PDZRN3: variants seen among roughly 807,000 people sequenced by gnomAD.
PDZRN3 encodes PDZ domain containing ring finger 3.
A neutral mutation model predicts 85.7 loss-of-function variants in PDZRN3; 38 were observed. The observed-to-expected ratio is 0.44, with a 90% CI of 0.34 to 0.58. The LOEUF (loss-of-function observed/expected upper bound fraction) is 0.58. Among genes scored for constraint, PDZRN3 ranks in the 20% least tolerant of loss-of-function variants. The pLI is 0.01. For missense variants in PDZRN3, 1,629 were observed against 1,506.4 expected, an observed-to-expected ratio of 1.08 and a Z score of -1.35; for synonymous variants, 759 against 638.0, an observed-to-expected ratio of 1.19 and a Z score of -2.86.
chr3:73,460,352 C>T (rs1188165362), intron 3 of PDZRN3, among the ~76,000 whole-genome samples: 1 of 152,194 alleles, frequency 6.6e-6, no homozygotes, highest in Non-Finnish European at 1.5e-5. Flanking sequence ...TTGTGTCTTT[C>T]ATGGACATGA....
intron 3 of PDZRN3, among the ~76,000 whole-genome samples, chr3:73,596,147 A>G (rs1343911422): frequency 6.6e-6 from 1 of 152,216 alleles, no homozygotes; most frequent in Non-Finnish European, 1.5e-5. Flanking sequence ...AAAAGCCTGA[A>G]AGAGCTCCAT....
At chr3:73,521,190 C>T (rs921178922) in intron 3 of PDZRN3, among the ~76,000 whole-genome samples, 7 of 152,136 alleles carry the variant, frequency 4.6e-5, no homozygotes, top group Non-Finnish European at 7.3e-5. Context: ...ACTCGTTAAA[C>T]GGGTTGTTGT....
At chr3:73,464,700 T>C (rs1362679632) in intron 3 of PDZRN3, among the ~76,000 whole-genome samples, 1 of 152,140 alleles carries the variant, frequency 6.6e-6, no homozygotes, top group Non-Finnish European at 1.5e-5. Flanking sequence ...AGGTGTCTCT[T>C]TTTAAAAAAA....
chr3:73,607,805 C>G lies in PDZRN3; in HGVS notation c.810+793G>C, dbSNP rs527308666. Among the ~76,000 whole-genome samples, 3 of 152,286 alleles carry G rather than the reference C, an allele frequency of 2.0e-5. No individual in the cohort carries two copies. The South Asian group carries it at 6.2e-4, about 32-fold the overall frequency. On this transcript the variant is annotated intron_variant, in intron 2 of 9. Coordinates refer to ENST00000263666, the MANE Select transcript of PDZRN3 (RefSeq NM_015009.3). The stretch of plus-strand genomic sequence containing the variant: ...ACCACAGGGCCTCAGTCTTTCTGGC[C>G]TCCATTGTATCTCCTGGCCCTTAGC...
chr3:73,406,087 G>A lies in PDZRN3; in HGVS notation c.919-1692C>T, dbSNP rs114720303. Reference sequence around the variant, plus strand: ...TAAGTAATTTATTTACATCACGAGGGAGTTCGGCAGAAAAGAACTCTGGGT... The same window carrying A: ...TAAGTAATTTATTTACATCACGAGGAAGTTCGGCAGAAAAGAACTCTGGGT... On this transcript the variant is annotated intron_variant, in intron 3 of 9. Transcript: ENST00000263666. Among the ~76,000 whole-genome samples the A allele has an allele frequency of 5.6e-3, 843 of 150,348 alleles. 6 individuals are homozygous for A. Among genetic ancestry groups the A allele is most frequent in the Middle Eastern group, 0.01 (3 of 294 alleles).
chr3:73,504,229 G>A (rs141018459), intron 3 of PDZRN3, among the ~76,000 whole-genome samples: 122 of 152,276 alleles, frequency 8.0e-4, no homozygotes, highest in African/African-American at 2.7e-3. Flanking sequence ...AGCATGTGGT[G>A]TAACAAATGA....
intron 3 of PDZRN3, among the ~76,000 whole-genome samples, chr3:73,519,503 G>A (rs1390140878): frequency 6.6e-6 from 1 of 152,166 alleles, no homozygotes; most frequent in Non-Finnish European, 1.5e-5. Context: ...CTTCCACAAG[G>A]AATGTGTTTA....
chr3:73,558,751 G>A (rs4561766), intron 3 of PDZRN3, among the ~76,000 whole-genome samples: 2 of 152,180 alleles, frequency 1.3e-5, no homozygotes, highest in African/African-American at 2.4e-5. Flanking sequence ...GAGGGTAAAC[G>A]AAGAACTGTA....
intron 1 of PDZRN3, among the ~76,000 whole-genome samples, chr3:73,619,653 G>C (rs1009475022): frequency 6.6e-6 from 1 of 152,130 alleles, no homozygotes; most frequent in African/African-American, 2.4e-5. Flanking sequence ...AGGAGCTCAG[G>C]GGCACATGCA....
At chr3:73,431,595 C>T (rs1434973381) in intron 3 of PDZRN3, among the ~76,000 whole-genome samples, 4 of 152,166 alleles carry the variant, frequency 2.6e-5, no homozygotes, top group Non-Finnish European at 4.4e-5. Context: ...CTTTATGCTA[C>T]GGTTCAGGAC....
At chr3:73,532,695 A>T (rs1704686473) in intron 3 of PDZRN3, among the ~76,000 whole-genome samples, 1 of 152,214 alleles carries the variant, frequency 6.6e-6, no homozygotes, top group African/African-American at 2.4e-5. Context: ...TTGCATCTAG[A>T]AACAACCAAG....
chr3:73,448,596 T>G (rs1324480222), intron 3 of PDZRN3, among the ~76,000 whole-genome samples: 2 of 152,280 alleles, frequency 1.3e-5, no homozygotes, highest in Middle Eastern at 3.4e-3. Context: ...TCTTGTTTTT[T>G]TTTCCTGGGG....
intron 3 of PDZRN3, among the ~76,000 whole-genome samples, chr3:73,519,149 G>A (rs1407208842): frequency 6.6e-6 from 1 of 152,192 alleles, no homozygotes; most frequent in Non-Finnish European, 1.5e-5. Context: ...ACACCCACCT[G>A]GAAGCCAGGG....
rs564373670 is a variant in PDZRN3 at position 73,516,564 on chromosome 3, A to G, written c.918+85790T>C. On this transcript the variant is annotated intron_variant, in intron 3 of 9. Transcript: ENST00000263666. ...TAAGAAAGGAGAAAATTAGCCCTTC[A>G]TCTCCTCTTGCTAGTTTGTTATGTT... 4.6e-5 allele frequency among the ~76,000 whole-genome samples: 7 copies of G among 152,288 alleles called. No individual in the cohort carries two copies. The East Asian group carries it at 1.3e-3, about 29-fold the overall frequency.
At chr3:73,429,420 G>A (rs535630561) in intron 3 of PDZRN3, among the ~76,000 whole-genome samples, 2 of 152,104 alleles carry the variant, frequency 1.3e-5, no homozygotes, top group African/African-American at 2.4e-5. Context: ...ATACTTAATC[G>A]AACCGTGACC....
At chr3:73,557,383 G>A (rs756142091) in intron 3 of PDZRN3, among the ~76,000 whole-genome samples, 79 of 152,222 alleles carry the variant, frequency 5.2e-4, no homozygotes, top group African/African-American at 1.7e-3. Flanking sequence ...ATCTTCGCTC[G>A]GAACCTGATC....
At chr3:73,436,137 A>G (rs1702527021) in intron 3 of PDZRN3, among the ~76,000 whole-genome samples, 2 of 152,172 alleles carry the variant, frequency 1.3e-5, no homozygotes, top group African/African-American at 2.4e-5. Context: ...TTACTTTCAG[A>G]TCTTCCAAAG....
At chr3:73,527,222 T>C (rs1704545385) in intron 3 of PDZRN3, among the ~76,000 whole-genome samples, 1 of 152,148 alleles carries the variant, frequency 6.6e-6, no homozygotes, top group African/African-American at 2.4e-5. Context: ...AGACAATATA[T>C]GGAGAAGGCC....
At position 73,383,451 on chromosome 3, in the gene PDZRN3, T is replaced by G; in HGVS notation, c.3115A>C (p.Thr1039Pro). The change falls in exon 10 of 10, where the codon ACG becomes CCG. Residue 1039 changes from threonine (T) to proline (P), a missense_variant. Coordinates refer to ENST00000263666, the MANE Select transcript of PDZRN3 (RefSeq NM_015009.3). ...RNKKIFDNWMTIQELLTHGTK... is the reference protein window; with the variant it reads ...RNKKIFDNWMPIQELLTHGTK... ...CCGTGGGTTAAGAGTTCTTGGATCG[T>G]CATCCAGTTATCGAAGATTTTCTTA... 6.2e-7 allele frequency: 1 copy of G among 1,614,172 alleles called. No individual in the cohort carries two copies. The highest frequency in any genetic ancestry group is 8.5e-7 in the Non-Finnish European group (1 of 1,180,014).
Sources: allele counts gnomAD v4.1 joint callset (sites outside exome capture counted in the v4.1 genomes callset), GRCh38; gene constraint gnomAD v4.1.1; transcripts MANE v1.5; gene names NCBI Gene and HGNC (gene_info 2026-07-23, HGNC 2026-07-21).